The following SYNJ1 variants were observed in gnomAD, a reference collection of about 807,000 sequenced individuals.
SYNJ1 encodes the protein synaptojanin 1.
SYNJ1 carries 78 observed loss-of-function variants against 168.2 expected under a neutral mutation model. The ratio of observed to expected loss-of-function variants is 0.46; its 90% CI spans 0.39 to 0.56. The LOEUF is 0.56. SYNJ1 is among the 20% of genes least tolerant of loss of function. The probability of loss-of-function intolerance (pLI) is 0.00; values close to 1 mark genes in which losing one functional copy is unlikely to be tolerated. For synonymous variants in SYNJ1, 539 were observed against 548.6 expected (o/e 0.98, Z 0.24); for missense variants, 1,303 against 1,597.6 (o/e 0.82, Z 3.14).
At chr21:32,690,726 C>T (rs564646177) in intron 6 of SYNJ1, among the ~76,000 whole-genome samples, 13 of 152,220 alleles carry the variant, frequency 8.5e-5, no homozygotes, top group South Asian at 4.1e-4. Flanking sequence ...AGTTTGAGAC[C>T]GGCCTGACCA....
intron 23 of SYNJ1, among the ~76,000 whole-genome samples, chr21:32,646,919 C>T (rs796120005): frequency 1.3e-5 from 2 of 152,300 alleles, no homozygotes; most frequent in African/African-American, 4.8e-5. Flanking sequence ...AAGTTTCCTG[C>T]TCTCCTTCCA....
rs1194930199 is a variant in SYNJ1, at chr21:32,639,141, T to C, written c.3698-16A>G. The C allele has an allele frequency of 6.2e-7, 1 of 1,605,128 alleles. No homozygotes were observed. The highest frequency in any genetic ancestry group is 8.5e-7 in the Non-Finnish European group (1 of 1,174,704). On this transcript the variant is annotated splice_polypyrimidine_tract_variant and intron_variant, in intron 30 of 32. Coordinates refer to ENST00000674351, the MANE Select transcript of SYNJ1 (RefSeq NM_203446.3). ...AAAGTTGAACCTAAAAAACCAGTGG[T>C]TGTCAGATGTTAGGTATATTCTAGA...
chr21:32,631,647 T>C lies in SYNJ1; in HGVS notation c.*158A>G, dbSNP rs1340359289. 6.2e-7 allele frequency: 1 copy of C among 1,614,236 alleles called. No individual in the cohort carries two copies. Among genetic ancestry groups the C allele is most frequent in the Non-Finnish European group, 8.5e-7 (1 of 1,180,036 alleles). On this transcript the variant is annotated 3_prime_UTR_variant, in exon 33 of 33. Transcript: ENST00000674351. ...ATTACTTTGCGTTGCAGAAGGCAACTGAATCAACCTCTTTGGGTCTGGGGT... is the reference window on the plus strand; with the variant it reads ...ATTACTTTGCGTTGCAGAAGGCAACCGAATCAACCTCTTTGGGTCTGGGGT...
Position 32,631,125 on chromosome 21 carries a change from CAGA to C in SYNJ1, c.*677_*679del, listed in dbSNP as rs528030561. ...AGGAGGTCTTCTTGACGGCAACACA[CAGA>C]AGGAGACATTTGTACCTTTATTCCA... On this transcript the variant is annotated 3_prime_UTR_variant, in exon 33 of 33. Coordinates refer to ENST00000674351, the MANE Select transcript of SYNJ1 (RefSeq NM_203446.3). The C allele has an allele frequency of 9.2e-5, 149 of 1,614,200 alleles. No individual in the cohort carries two copies. The African/African-American group carries it at 1.7e-3, about 18-fold the overall frequency.
chr21:32,653,298 T>C lies in SYNJ1; in HGVS notation c.2864A>G (p.Asn955Ser). 6.2e-7 allele frequency: 1 copy of C among 1,613,336 alleles called. No homozygotes were observed. The highest frequency in any genetic ancestry group is 8.5e-7 in the Non-Finnish European group (1 of 1,179,370). ...CAAATGCTACCTTACCTCTTTACCA[T>C]TTAGGCTCAGAACATTCAAGGCAGA... ...GSSALNVLSLNGKELLNRTIT... is the reference protein window; with the variant it reads ...GSSALNVLSLSGKELLNRTIT... The change falls in exon 22 of 33, where the codon AAT (asparagine) becomes AGT (serine). Residue 955 changes from asparagine to serine, a missense_variant. Asn to Ser is a conservative substitution (Grantham distance 46). Around this residue, in one of 2 missense-constraint regions of SYNJ1, gnomAD observed 920 missense variants for 1,208.8 expected, o/e 0.76. Transcript: ENST00000674351.
Position 32,631,815 on chromosome 21 carries a change from G to A in SYNJ1, c.*4-14C>T. The A allele has an allele frequency of 6.3e-7, 1 of 1,592,736 alleles. No homozygotes were observed. Among genetic ancestry groups the A allele is most frequent in the Non-Finnish European group, 8.6e-7 (1 of 1,169,076 alleles). ...ATTTGTTTTTACCTGCAAAAGAAAG[G>A]GAGCACTGAAAAATCAGTTTATATT... On this transcript the variant is annotated splice_polypyrimidine_tract_variant and intron_variant, in intron 32 of 32. Transcript: ENST00000674351.
chr21:32,686,725 C>T (rs777820232), intron 8 of SYNJ1, among the ~76,000 whole-genome samples: 63 of 152,206 alleles, frequency 4.1e-4, no homozygotes, highest in Non-Finnish European at 8.1e-4. Flanking sequence ...TTTTCTGTTT[C>T]TCTACAAAAT....
intron 15 of SYNJ1, among the ~76,000 whole-genome samples, chr21:32,666,921 T>C (rs2040958331): frequency 6.6e-6 from 1 of 152,218 alleles, no homozygotes; most frequent in East Asian, 1.9e-4. Context: ...GGACCTCCCA[T>C]GATACCAAAA....
In SYNJ1 at chr21:32,631,283, C is replaced by CG. The variant is rs1569014312; in HGVS notation, c.*521dup. The CG allele has an allele frequency of 1.2e-6, 2 of 1,614,180 alleles. No homozygotes were observed. The highest frequency in any genetic ancestry group is 2.2e-5 in the South Asian group (2 of 91,082). Reference sequence around the variant, plus strand: ...CTTCCTCGAAGGTTACCCATCCTTTCGGGTTGCTAATTTTTAATGTAGACT... The same window carrying CG: ...CTTCCTCGAAGGTTACCCATCCTTTCGGGGTTGCTAATTTTTAATGTAGACT... On this transcript the variant is annotated 3_prime_UTR_variant, in exon 33 of 33. Transcript: ENST00000674351.
At chr21:32,708,122 G>T (rs1382694945) in intron 2 of SYNJ1, among the ~76,000 whole-genome samples, 2 of 152,202 alleles carry the variant, frequency 1.3e-5, no homozygotes, top group Admixed American at 1.3e-4. Context: ...ACTTTCAAAT[G>T]TGTATGCCTG....
intron 29 of SYNJ1, 46 bp downstream of exon 29, chr21:32,641,850 G>T: frequency 6.9e-7 from 1 of 1,444,422 alleles, no homozygotes; most frequent in Non-Finnish European, 9.5e-7. Flanking sequence ...GTAGTAAACA[G>T]GACTTAGAAC....
At chr21:32,709,225 C>T (rs1167906802) in intron 2 of SYNJ1, among the ~76,000 whole-genome samples, 1 of 152,058 alleles carries the variant, frequency 6.6e-6, no homozygotes, top group Non-Finnish European at 1.5e-5. Flanking sequence ...GTGGCTCACA[C>T]CTATAATCCC....
intron 2 of SYNJ1, among the ~76,000 whole-genome samples, chr21:32,702,865 T>C (rs2042457572): frequency 6.6e-6 from 1 of 152,268 alleles, no homozygotes; most frequent in Admixed American, 6.5e-5. Flanking sequence ...CAAAATAGGA[T>C]GTTTGGCAAC....
intron 7 of SYNJ1, among the ~76,000 whole-genome samples, 164 bp downstream of exon 7, chr21:32,688,142 C>T (rs935562020): frequency 6.6e-6 from 1 of 152,012 alleles, no homozygotes; most frequent in African/African-American, 2.4e-5. Context: ...CCAGCACTAC[C>T]ACCCCCAGAA....
In SYNJ1 at chr21:32,638,920, G is replaced by A; in HGVS notation, c.3903C>T (p.Ser1301=). ...AAATGAGACTTACTTGCGGTTGTGA[G>A]GAAGCTTCTGAAGGCAAGCTATGGG... ...RSSHSLPSEA[S]SQPQQEQPSG is the part of the protein sequence containing the mutation. Residue 1301 remains serine, a synonymous_variant, in exon 31 of 33, where the codon TCC becomes TCT. Coordinates refer to ENST00000674351, the MANE Select transcript of SYNJ1 (RefSeq NM_203446.3). The A allele has an allele frequency of 6.2e-7, 1 of 1,600,460 alleles. No homozygotes were observed. Among genetic ancestry groups the A allele is most frequent in the Admixed American group, 1.7e-5 (1 of 58,380 alleles).
intron 2 of SYNJ1, among the ~76,000 whole-genome samples, chr21:32,702,939 C>T (rs2042461989): frequency 6.6e-6 from 1 of 152,228 alleles, no homozygotes; most frequent in Admixed American, 6.5e-5. Flanking sequence ...ATTTCCTGTC[C>T]ATCTTTATTG....
intron 1 of SYNJ1, among the ~76,000 whole-genome samples, chr21:32,727,674 A>G (rs866124817): frequency 1.3e-5 from 2 of 152,198 alleles, no homozygotes; most frequent in African/African-American, 4.8e-5. Flanking sequence ...ATGCGCCAGA[A>G]GAGATACCCC....
chr21:32,646,357 A>G, intron 24 of SYNJ1, 36 bp downstream of exon 24: 1 of 1,592,752 alleles, frequency 6.3e-7, no homozygotes, highest in South Asian at 1.1e-5. Flanking sequence ...CATTGGCCAC[A>G]GGAAGCCATA....
At position 32,657,781 on chromosome 21, in the gene SYNJ1, C is replaced by G. The variant is rs148265063; in HGVS notation, c.2396G>C (p.Cys799Ser). Reference sequence around the variant, plus strand: ...ACGGTCTGTCCAGGCAGGGGTGCGGCACTTTTCACTGGTGTCATAGTCGTC... The same window carrying G: ...ACGGTCTGTCCAGGCAGGGGTGCGGGACTTTTCACTGGTGTCATAGTCGTC... ...FSDDYDTSEK[C>S]RTPAWTDRVL... is the part of the protein sequence containing the mutation. The change falls in exon 19 of 33, where the codon TGC becomes TCC. Residue 799 changes from cysteine to serine, a missense_variant. Transcript: ENST00000674351. 5.6e-6 allele frequency: 9 copies of G among 1,614,072 alleles called. No homozygotes were observed. The African/African-American group carries it at 1.2e-4, about 22-fold the overall frequency.
Sources: gnomAD v4.1 joint callset for allele counts (sites outside exome capture counted in the v4.1 genomes callset) on GRCh38, gnomAD v4.1.1 for gene constraint, gnomAD v4.1.1 regional missense constraint, MANE v1.5 for transcripts, NCBI Gene and HGNC (gene_info 2026-07-23, HGNC 2026-07-21) for gene names.